Variants in MMP26 observed in about 807,000 individuals in gnomAD.
The protein encoded by MMP26 is matrix metalloproteinase-26.
MMP26 carries 33 observed loss-of-function variants against 31.0 expected under a neutral mutation model. That is an observed-to-expected ratio of 1.06 (90% confidence interval 0.81 to 1.42). MMP26 has a LOEUF of 1.42. MMP26 is among the 40% of genes most tolerant of loss of function. The pLI is 0.00. For missense variants in MMP26, 347 were observed against 316.1 expected (o/e 1.10, Z -0.74); for synonymous variants, 122 against 114.9 (o/e 1.06, Z -0.40).
intron 2 of MMP26, among the ~76,000 whole-genome samples, chr11:4,971,578 G>T (rs906420536): frequency 2.6e-5 from 4 of 152,180 alleles, no homozygotes; most frequent in African/African-American, 9.7e-5. Context: ...AAGGAGTAAG[G>T]TTGGGGACAT....
intron 2 of MMP26, chr11:4,875,969 G>A (rs1418798646): frequency 6.6e-6 from 1 of 152,112 alleles, no homozygotes; most frequent in Admixed American, 6.6e-5. Context: ...CTTAAAGTGT[G>A]TCTTTCCTCC....
At chr11:4,740,694 A>C (rs1017239041) in intron 1 of MMP26, among the ~76,000 whole-genome samples, 7 of 151,652 alleles carry the variant, frequency 4.6e-5, no homozygotes, top group Non-Finnish European at 7.4e-5. Context: ...AAAAAAAAAA[A>C]AAAAGAAACT....
chr11:4,980,305 A>C (rs1846794235), intron 2 of MMP26, among the ~76,000 whole-genome samples: 1 of 152,054 alleles, frequency 6.6e-6, no homozygotes, highest in African/African-American at 2.4e-5. Flanking sequence ...TTATGGAAAA[A>C]GTGTACCTCC....
At chr11:4,915,373 A>C (rs1410404957) in intron 2 of MMP26, 2 of 1,613,936 alleles carry the variant, frequency 1.2e-6, no homozygotes, top group Non-Finnish European at 1.7e-6. Context: ...CATCATGGCT[A>C]ATTTCTCGTG....
Position 4,704,785 on chromosome 11 carries a change from GTTCTCCTA to G in MMP26, c.-473_-466del, listed in dbSNP as rs1051823895. 5.9e-5 allele frequency: 9 copies of G among 152,144 alleles called. No homozygotes were observed. The highest frequency in any genetic ancestry group is 2.2e-4 in the African/African-American group (9 of 41,410). The allele number at this position is 152,144 out of a possible 1,614,324, so 9.4% of individuals were successfully genotyped here. On this transcript the variant is annotated 5_prime_UTR_variant, in exon 1 of 8. Coordinates refer to ENST00000380390, the MANE Select transcript of MMP26 (RefSeq NM_021801.5). ...AAGGCTGTTTTTCTCAAATCTGGTA[GTTCTCCTA>G]TTCCTGAATTTTTTCCCTATGTTTT...
intron 2 of MMP26, chr11:4,937,886 T>C (rs565292167): frequency 6.6e-6 from 1 of 152,350 alleles, no homozygotes; most frequent in African/African-American, 2.4e-5. Flanking sequence ...CTAGTTAAGA[T>C]AGTGCTGTAT....
chr11:4,855,491 A>G (rs908782604), intron 2 of MMP26, among the ~76,000 whole-genome samples: 2 of 152,232 alleles, frequency 1.3e-5, no homozygotes, highest in Admixed American at 1.3e-4. Context: ...GATCAAATCA[A>G]TGAAGTGAAG....
chr11:4,849,348 A>C (rs1849940442), intron 2 of MMP26: 1 of 768,358 alleles, frequency 1.3e-6, no homozygotes, highest in Admixed American at 2.8e-5. Flanking sequence ...ATACACGTAC[A>C]CATATACACA....
intron 1 of MMP26, chr11:4,723,096 T>G: frequency 1.4e-6 from 2 of 1,469,016 alleles, no homozygotes; most frequent in Non-Finnish European, 1.9e-6. Flanking sequence ...ATGTTCTGCT[T>G]GGCCCGCTGC....
chr11:4,879,238 CAG>C (rs910801761), intron 2 of MMP26, among the ~76,000 whole-genome samples: 5 of 152,062 alleles, frequency 3.3e-5, no homozygotes, highest in East Asian at 3.9e-4. Context: ...TGTCTCAAGA[CAG>C]GGGAAAGTAC....
At chr11:4,729,789 C>A (rs1207433802) in intron 1 of MMP26, among the ~76,000 whole-genome samples, 5 of 151,990 alleles carry the variant, frequency 3.3e-5, no homozygotes, top group Non-Finnish European at 7.3e-5. Context: ...GAGAAAGCCT[C>A]TCATTGAGTT....
In MMP26 at chr11:4,860,932, C is replaced by A. The variant is rs28637658; in HGVS notation, c.-145+93591C>A. On this transcript the variant is annotated intron_variant, in intron 2 of 7. Transcript: ENST00000380390. ...TAACCAAGATCTTAATAACATAGAG[C>A]ATATTGCTAAATAATTTTTTAAAAC... Among the ~76,000 whole-genome samples the A allele has an allele frequency of 7.5e-3, 1,147 of 151,952 alleles. 14 individuals carry two copies. The highest frequency in any genetic ancestry group is 0.026 in the African/African-American group (1,089 of 41,458).
intron 2 of MMP26, chr11:4,944,160 A>G (rs536263026): frequency 4.4e-5 from 20 of 451,904 alleles, no homozygotes; most frequent in Non-Finnish European, 8.4e-5. Flanking sequence ...ACATAGGAAC[A>G]GTTCTTGCCC....
At position 4,992,368 on chromosome 11, in the gene MMP26, G is replaced by T. The variant is rs1051208803; in HGVS notation, c.*126G>T. 3.6e-5 allele frequency: 31 copies of T among 865,262 alleles called. No homozygotes were observed. The highest frequency in any genetic ancestry group is 3.5e-4 in the Middle Eastern group (1 of 2,868). 53.6% of individuals were successfully genotyped at this position (865,262 alleles called of 1,614,324 possible). Reference sequence around the variant, plus strand: ...AGCCCTAAAGAATGCAACCTAGTCAGGTTAGCTGAACCGACACTCAAAACG... The same window carrying T: ...AGCCCTAAAGAATGCAACCTAGTCATGTTAGCTGAACCGACACTCAAAACG... On this transcript the variant is annotated 3_prime_UTR_variant, in exon 8 of 8. Coordinates refer to ENST00000380390, the MANE Select transcript of MMP26 (RefSeq NM_021801.5).
At chr11:4,795,343 C>T (rs1227820464) in intron 2 of MMP26, 1 of 152,146 alleles carries the variant, frequency 6.6e-6, no homozygotes, top group Non-Finnish European at 1.5e-5. Context: ...CAGAGGATGA[C>T]TGCTGCCCTA....
intron 2 of MMP26, among the ~76,000 whole-genome samples, chr11:4,813,331 G>A (rs577008613): frequency 4.2e-4 from 64 of 152,048 alleles, no homozygotes; most frequent in African/African-American, 1.2e-3. Context: ...TAAAGAAACC[G>A]GAAATAGCTT....
chr11:4,848,222 G>T (rs376522520), intron 2 of MMP26: 2 of 1,582,868 alleles, frequency 1.3e-6, no homozygotes, highest in South Asian at 1.2e-5. Context: ...CACCAAACAC[G>T]GAGGGACATC....
chr11:4,769,148 A>T lies in MMP26; in HGVS notation c.-145+1807A>T, dbSNP rs147618500. On this transcript the variant is annotated intron_variant, in intron 2 of 7. Transcript: ENST00000380390. Reference sequence around the variant, plus strand: ...GCGATACACCAAGGACAGGCTCAGCATGTGGATGTAGAAGAAAGCAACTGC... The same window carrying T: ...GCGATACACCAAGGACAGGCTCAGCTTGTGGATGTAGAAGAAAGCAACTGC... 2,151 of 1,613,388 alleles carry T rather than the reference A, an allele frequency of 1.3e-3. 21 individuals carry two copies. The African/African-American group carries it at 0.026, about 19-fold the overall frequency.
chr11:4,923,087 A>G (rs1851207910), intron 2 of MMP26, among the ~76,000 whole-genome samples: 1 of 152,220 alleles, frequency 6.6e-6, no homozygotes, highest in Non-Finnish European at 1.5e-5. Flanking sequence ...TTTATTGAAA[A>G]TTGTATATTT....
Sources: allele counts gnomAD v4.1 joint callset (sites outside exome capture counted in the v4.1 genomes callset), GRCh38; gene constraint gnomAD v4.1.1; transcripts MANE v1.5; gene names NCBI Gene and HGNC (gene_info 2026-07-23, HGNC 2026-07-21).